IL17RB: variants seen among roughly 807,000 people sequenced by gnomAD.
The protein encoded by IL17RB is interleukin-17 receptor B.
Under a neutral mutation model 43.9 loss-of-function variants are expected in IL17RB, and 36 were observed. That is an observed-to-expected ratio of 0.82 (90% confidence interval 0.63 to 1.08). The LOEUF (loss-of-function observed/expected upper bound fraction) is 1.08, where lower values mean the gene tolerates loss of function less well. Among genes scored for constraint, IL17RB ranks in the 50% least tolerant of loss-of-function variants. The pLI is 0.00. For missense variants in IL17RB, 613 were observed against 613.6 expected (o/e 1.00, Z 0.01); for synonymous variants, 225 against 225.4 (o/e 1.00, Z 0.02).
Position 53,848,665 on chromosome 3 carries a change from C to T in IL17RB, c.62C>T (p.Thr21Ile). 6 of 1,613,980 alleles carry T rather than the reference C, an allele frequency of 3.7e-6. No individual in the cohort carries two copies. The highest frequency in any genetic ancestry group is 5.1e-6 in the Non-Finnish European group (6 of 1,179,938). ...LCRSAVPREP[T>I]VQCGSETGPS... is the part of the protein sequence containing the mutation. ...CGCTTGGTTTTTTCTCTCCCACAGACCGTTCAATGTGGCTCTGAAACTGGT... is the reference window on the plus strand; with the variant it reads ...CGCTTGGTTTTTTCTCTCCCACAGATCGTTCAATGTGGCTCTGAAACTGGT... Residue 21 changes from threonine to isoleucine, a missense_variant and splice_region_variant, in exon 2 of 11, where the codon ACC becomes ATC. Thr to Ile is a moderately conservative substitution (Grantham distance 89). Transcript: ENST00000288167.
intron 10 of IL17RB, 165 bp downstream of exon 10, chr3:53,860,393 A>G: frequency 2.2e-6 from 1 of 464,896 alleles, no homozygotes. Context: ...TACGAGCATG[A>G]CTGGATTACA....
chr3:53,849,997 G>A (rs1161413755), intron 3 of IL17RB, among the ~76,000 whole-genome samples: 1 of 152,190 alleles, frequency 6.6e-6, no homozygotes, highest in Non-Finnish European at 1.5e-5. Context: ...CCCAACAGTA[G>A]AAAGGAATCA....
At chr3:53,860,405 A>G (rs1322856236) in intron 10 of IL17RB, 177 bp downstream of exon 10, 2 of 446,554 alleles carry the variant, frequency 4.5e-6, no homozygotes, top group Non-Finnish European at 7.9e-6. Flanking sequence ...TGGATTACAC[A>G]TGCCAGGTGA....
rs1699356527 is a variant in IL17RB, at chr3:53,856,942, C to T, written c.628C>T (p.Leu210Phe). ...TCCCCTGGGAAACAGATACATGGCT[C>T]TTATCCAACACAGCACTATCATCGG... Reference protein sequence around the residue: ...TTPLGNRYMALIQHSTIIGFS... With the variant: ...TTPLGNRYMAFIQHSTIIGFS... The change falls in exon 7 of 11, where the codon CTT becomes TTT. Residue 210 changes from leucine to phenylalanine, a missense_variant. Leu to Phe is a conservative substitution (Grantham distance 22, BLOSUM62 0). Coordinates refer to ENST00000288167, the MANE Select transcript of IL17RB (RefSeq NM_018725.4). The T allele has an allele frequency of 6.2e-7, 1 of 1,614,164 alleles. No individual in the cohort carries two copies. The highest frequency in any genetic ancestry group is 2.2e-5 in the East Asian group (1 of 44,870).
At chr3:53,850,850 T>C (rs1699116501) in intron 3 of IL17RB, among the ~76,000 whole-genome samples, 1 of 152,086 alleles carries the variant, frequency 6.6e-6, no homozygotes, top group African/African-American at 2.4e-5. Context: ...TGGTTCCTGC[T>C]GGGGTAGGAA....
At position 53,855,420 on chromosome 3, in the gene IL17RB, C is replaced by T. The variant is rs1699297283; in HGVS notation, c.529+79C>T. 4 of 1,007,250 alleles carry T rather than the reference C, an allele frequency of 4.0e-6. No individual in the cohort carries two copies. The African/African-American group carries it at 6.5e-5, about 16-fold the overall frequency. The allele number at this position is 1,007,250 out of a possible 1,614,324, so 62.4% of individuals were successfully genotyped here. A position where few individuals can be genotyped will look rare whatever the true frequency, so the allele number is the denominator to read the frequency against. On this transcript the variant is annotated intron_variant, in intron 6 of 10. Coordinates refer to ENST00000288167, the MANE Select transcript of IL17RB (RefSeq NM_018725.4). ...CAGCATAGCTCTCTTCATCTTTGCA[C>T]AGAAGAACTGAGCCCTAGGGGAGAG... is the stretch of plus-strand genomic sequence containing the variant.
intron 10 of IL17RB, among the ~76,000 whole-genome samples, chr3:53,864,395 C>T (rs1167996350): frequency 2.6e-5 from 4 of 152,024 alleles, no homozygotes; most frequent in East Asian, 1.9e-4. Context: ...ATTAGCCAGG[C>T]GTGGTGGCGG....
intron 8 of IL17RB, chr3:53,858,448 C>T: frequency 7.9e-7 from 1 of 1,269,092 alleles, no homozygotes; most frequent in Non-Finnish European, 1.0e-6. Context: ...AAGATATGAC[C>T]TAGCCCTTTT....
At position 53,849,707 on chromosome 3, in the gene IL17RB, G is replaced by C. The variant is rs1014559958; in HGVS notation, c.138G>C (p.Arg46Ser). 2.5e-6 allele frequency: 4 copies of C among 1,612,938 alleles called. No individual in the cohort carries two copies. The highest frequency in any genetic ancestry group is 1.7e-5 in the Admixed American group (1 of 59,904). Residue 46 changes from arginine to serine, a missense_variant, in exon 3 of 11, where the codon AGG (arginine) becomes AGC (serine). Arg to Ser is a moderately radical substitution (Grantham distance 110). Coordinates refer to ENST00000288167, the MANE Select transcript of IL17RB (RefSeq NM_018725.4). ...ATGATCTAATCCCCGGAGACTTGAG[G>C]GACCTCCGAGTAGAACCTGTTACAA... is the stretch of plus-strand genomic sequence containing the variant. The part of the protein sequence containing the change: ...LQHDLIPGDL[R>S]DLRVEPVTTS...
chr3:53,854,682 C>T (rs1699269006), intron 5 of IL17RB, among the ~76,000 whole-genome samples: 1 of 152,180 alleles, frequency 6.6e-6, no homozygotes, highest in Non-Finnish European at 1.5e-5. Flanking sequence ...CCAGACTTCT[C>T]CATGTAAATC....
chr3:53,851,415 G>A (rs202101126), intron 3 of IL17RB, among the ~76,000 whole-genome samples: 16 of 152,236 alleles, frequency 1.1e-4, no homozygotes, highest in Admixed American at 1.0e-3. Flanking sequence ...CTTTAGGTGA[G>A]ATGTGGCCAT....
At chr3:53,861,150 A>G (rs766199175) in intron 10 of IL17RB, 5 of 152,154 alleles carry the variant, frequency 3.3e-5, no homozygotes, top group Non-Finnish European at 5.9e-5. Flanking sequence ...ATCACAGTAA[A>G]AAGTATCTCC....
intron 3 of IL17RB, among the ~76,000 whole-genome samples, chr3:53,851,469 G>C (rs1042924599): frequency 1.6e-4 from 25 of 152,216 alleles, no homozygotes. Flanking sequence ...CTCTTTGTCA[G>C]CTGTGGTTAT....
At chr3:53,857,229 G>A (rs1449019451) in intron 7 of IL17RB, among the ~76,000 whole-genome samples, 1 of 152,156 alleles carries the variant, frequency 6.6e-6, no homozygotes, top group African/African-American at 2.4e-5. Context: ...GTCCTTTTGG[G>A]AAGCAAAGCT....
At position 53,858,819 on chromosome 3, in the gene IL17RB, G is replaced by C. The variant is rs779908020; in HGVS notation, c.847+1G>C. On this transcript the variant is annotated splice_donor_variant, in intron 9 of 10. Transcript: ENST00000288167. LOFTEE classifies it high-confidence loss of function. The stretch of plus-strand genomic sequence containing the variant: ...GGCGTCCCTTTCCCTCTGGATAACA[G>C]TAAGTGCCCAGTAACTTCAACCAGA... 2 of 1,611,272 alleles carry C rather than the reference G, an allele frequency of 1.2e-6. No homozygotes were observed. Among genetic ancestry groups the C allele is most frequent in the Non-Finnish European group, 8.5e-7 (1 of 1,177,474 alleles).
intron 4 of IL17RB, 110 bp downstream of exon 4, chr3:53,852,236 G>A (rs1439354055): frequency 3.0e-6 from 3 of 988,620 alleles, no homozygotes; most frequent in Non-Finnish European, 1.5e-6. Context: ...CAATCTTCTG[G>A]GCTCAAGCGA....
chr3:53,858,485 C>T (rs201807890), intron 8 of IL17RB: 19 of 1,375,184 alleles, frequency 1.4e-5, no homozygotes, highest in East Asian at 1.1e-4. Context: ...ATGTTAGTAA[C>T]GTGTACAAAG....
chr3:53,858,731 T>C lies in IL17RB; in HGVS notation c.760T>C (p.Phe254Leu), dbSNP rs1388385766. Reference sequence around the variant, plus strand: ...TGTTTTTCCTCAGCTGACTCCATATTTTCCTACTTGTGGCAGCGACTGCAT... The same window carrying C: ...TGTTTTTCCTCAGCTGACTCCATATCTTCCTACTTGTGGCAGCGACTGCAT... ...EGATVQLTPY[F>L]PTCGSDCIRH... The change falls in exon 9 of 11, where the codon TTT becomes CTT. Residue 254 changes from phenylalanine (F) to leucine (L), a missense_variant. Phe to Leu is a conservative substitution (Grantham distance 22). Coordinates refer to ENST00000288167, the MANE Select transcript of IL17RB (RefSeq NM_018725.4). 2 of 1,614,154 alleles carry C rather than the reference T, an allele frequency of 1.2e-6. No homozygotes were observed. Among genetic ancestry groups the C allele is most frequent in the East Asian group, 2.2e-5 (1 of 44,874 alleles).
intron 10 of IL17RB, among the ~76,000 whole-genome samples, chr3:53,862,902 ACT>A (rs1194545975): frequency 1.3e-5 from 2 of 152,130 alleles, no homozygotes; most frequent in Admixed American, 1.3e-4. Flanking sequence ...GTAAAGTTAC[ACT>A]GAGGCGCCCA....
Sources: allele counts gnomAD v4.1 joint callset (sites outside exome capture counted in the v4.1 genomes callset), GRCh38; gene constraint gnomAD v4.1.1; transcripts MANE v1.5; gene names NCBI Gene and HGNC (gene_info 2026-07-23, HGNC 2026-07-21).